Variants in WLS observed in about 807,000 individuals in gnomAD.
WLS encodes the protein protein wntless homolog.
Under a neutral mutation model 62.8 loss-of-function variants are expected in WLS, and 23 were observed. The ratio of observed to expected loss-of-function variants is 0.37; its 90% CI spans 0.26 to 0.52. The LOEUF (loss-of-function observed/expected upper bound fraction) is 0.52. Ranked by LOEUF, WLS falls within the 20% of genes least tolerant of loss-of-function variation. WLS has a pLI of 0.92. For missense variants in WLS, 615 were observed against 697.3 expected (o/e 0.88, Z 1.33); for synonymous variants, 246 against 244.1 (o/e 1.01, Z -0.07).
intron 3 of WLS, among the ~76,000 whole-genome samples, chr1:68,158,492 T>C (rs968014597): frequency 7.2e-5 from 11 of 152,044 alleles, no homozygotes; most frequent in African/African-American, 1.2e-4. Context: ...TATCATCTAG[T>C]CCAGGGGTGT....
At chr1:68,152,585 G>A (rs1310388160) in intron 5 of WLS, among the ~76,000 whole-genome samples, 1 of 152,224 alleles carries the variant, frequency 6.6e-6, no homozygotes, top group African/African-American at 2.4e-5. Flanking sequence ...GGACTATGAA[G>A]GTTGTTGGTG....
intron 11 of WLS, among the ~76,000 whole-genome samples, chr1:68,130,184 G>C (rs1646498502): frequency 1.3e-5 from 2 of 152,168 alleles, no homozygotes; most frequent in South Asian, 4.1e-4. Context: ...ACAATTGTTT[G>C]TGTATCTGTG....
chr1:68,208,275 G>A lies in WLS; in HGVS notation c.107-14048C>T, dbSNP rs76068562. Reference sequence around the variant, plus strand: ...GGCAGAGCAAAAACTATTGACATGGGTATTTGCTACCCTTTCCCCTCCTCT... The same window carrying A: ...GGCAGAGCAAAAACTATTGACATGGATATTTGCTACCCTTTCCCCTCCTCT... On this transcript the variant is annotated intron_variant, in intron 1 of 11. Transcript: ENST00000262348. 6.5e-4 allele frequency among the ~76,000 whole-genome samples: 99 copies of A among 152,264 alleles called. 2 individuals are homozygous for A. In the East Asian group the frequency reaches 0.011, roughly 17 times the overall value.
chr1:68,110,974 AATTT>A (rs1426110661), intron 11 of WLS, among the ~76,000 whole-genome samples: 3 of 152,144 alleles, frequency 2.0e-5, no homozygotes, highest in African/African-American at 4.8e-5. Flanking sequence ...ATAATCTTGA[AATTT>A]ATTTAAAGAA....
chr1:68,103,995 C>G (rs9436798), intron 11 of WLS, among the ~76,000 whole-genome samples: 10,784 of 152,146 alleles, frequency 0.071, 494 homozygotes, highest in Non-Finnish European at 0.094. Context: ...TAAGACATGC[C>G]CTACCTCTGT....
At chr1:68,168,914 G>A (rs376469030) in intron 2 of WLS, among the ~76,000 whole-genome samples, 28 of 152,310 alleles carry the variant, frequency 1.8e-4, no homozygotes, top group African/African-American at 6.7e-4. Context: ...TACATGGTTA[G>A]GTCTGGCAAA....
intron 1 of WLS, among the ~76,000 whole-genome samples, chr1:68,215,697 T>C (rs1427653705): frequency 1.3e-5 from 2 of 152,204 alleles, no homozygotes; most frequent in Non-Finnish European, 2.9e-5. Context: ...CAACAATAGA[T>C]TGAGCAATTT....
chr1:68,182,543 T>A (rs1349832730), intron 2 of WLS, among the ~76,000 whole-genome samples: 1 of 152,212 alleles, frequency 6.6e-6, no homozygotes, highest in Non-Finnish European at 1.5e-5. Context: ...ACCAAGTCAG[T>A]AAGTAAAACT....
At chr1:68,225,660 G>A (rs536265338) in intron 1 of WLS, among the ~76,000 whole-genome samples, 56 of 152,218 alleles carry the variant, frequency 3.7e-4, no homozygotes, top group South Asian at 1.9e-3. Flanking sequence ...AAAGGCCCTC[G>A]TTATTATGCA....
At chr1:68,111,237 A>AAAT (rs1646225426) in intron 11 of WLS, among the ~76,000 whole-genome samples, 1 of 152,218 alleles carries the variant, frequency 6.6e-6, no homozygotes, top group African/African-American at 2.4e-5. Flanking sequence ...TGGGGACCAT[A>AAAT]GATGAACTAC....
At position 68,153,497 on chromosome 1, in the gene WLS, G is replaced by A. The variant is rs769332939; in HGVS notation, c.803+20C>T. Reference sequence around the variant, plus strand: ...TGAGAAGCCAGTATTCCTGAAGAGCGCTCCAAAACCAGCTCTTACTTTTCC... The same window carrying A: ...TGAGAAGCCAGTATTCCTGAAGAGCACTCCAAAACCAGCTCTTACTTTTCC... On this transcript the variant is annotated intron_variant, in intron 5 of 11. Coordinates refer to ENST00000262348, the MANE Select transcript of WLS (RefSeq NM_024911.7). 4.2e-5 allele frequency: 68 copies of A among 1,613,602 alleles called. No individual in the cohort carries two copies. The highest frequency in any genetic ancestry group is 1.8e-4 in the East Asian group (8 of 44,856).
chr1:68,107,395 GGATA>G (rs1378533113), intron 11 of WLS, among the ~76,000 whole-genome samples: 25 of 152,192 alleles, frequency 1.6e-4, no homozygotes, highest in South Asian at 1.2e-3. Flanking sequence ...GAAGGTAGGA[GGATA>G]GATAGAGTGA....
At position 68,145,938 on chromosome 1, in the gene WLS, C is replaced by T; in HGVS notation, c.1209G>A (p.Val403=). 6.2e-7 allele frequency: 1 copy of T among 1,614,170 alleles called. No individual in the cohort carries two copies. The highest frequency in any genetic ancestry group is 8.5e-7 in the Non-Finnish European group (1 of 1,180,032). Residue 403 remains valine, a synonymous_variant, in exon 9 of 12, where the codon GTG becomes GTA. Coordinates refer to ENST00000262348, the MANE Select transcript of WLS (RefSeq NM_024911.7). ...ACTGCTTCCCACTGATGTTCCGAAACACCTGAAATACCATGAAGCATAGAA... is the reference window on the plus strand; with the variant it reads ...ACTGCTTCCCACTGATGTTCCGAAATACCTGAAATACCATGAAGCATAGAA... ...FLFLCFMVFQ[V]FRNISGKQSS...
intron 11 of WLS, among the ~76,000 whole-genome samples, chr1:68,110,486 C>A (rs1646211165): frequency 6.6e-6 from 1 of 151,784 alleles, no homozygotes; most frequent in Admixed American, 6.6e-5. Flanking sequence ...AAATAAAAAA[C>A]CAAATGTCCA....
intron 2 of WLS, among the ~76,000 whole-genome samples, chr1:68,178,375 C>T (rs1647351445): frequency 2.0e-5 from 3 of 152,128 alleles, no homozygotes; most frequent in Admixed American, 1.3e-4. Flanking sequence ...AAGGATATAA[C>T]AATGAACAAC....
intron 1 of WLS, among the ~76,000 whole-genome samples, chr1:68,221,684 T>A (rs1309297708): frequency 2.6e-5 from 4 of 152,328 alleles, no homozygotes; most frequent in African/African-American, 9.6e-5. Context: ...GGAACGTAAC[T>A]TTTTTAGTGA....
At chr1:68,198,937 T>G (rs1436796030) in intron 1 of WLS, among the ~76,000 whole-genome samples, 1 of 152,218 alleles carries the variant, frequency 6.6e-6, no homozygotes, top group Non-Finnish European at 1.5e-5. Context: ...TTCCTGTTAT[T>G]TCACTTCAAA....
chr1:68,167,149 A>G (rs1015025402), intron 2 of WLS, among the ~76,000 whole-genome samples: 2 of 152,182 alleles, frequency 1.3e-5, no homozygotes, highest in African/African-American at 4.8e-5. Context: ...AAAAATGCTC[A>G]AGACAGAGCA....
At chr1:68,153,930 C>T (rs144664124) in intron 4 of WLS, among the ~76,000 whole-genome samples, 1 of 152,112 alleles carries the variant, frequency 6.6e-6, no homozygotes, top group Non-Finnish European at 1.5e-5. Context: ...GTTCTGGGGT[C>T]TGAAAGAAGA....
Sources: allele counts gnomAD v4.1 joint callset (sites outside exome capture counted in the v4.1 genomes callset), GRCh38; gene constraint gnomAD v4.1.1; transcripts MANE v1.5; gene names NCBI Gene and HGNC (gene_info 2026-07-23, HGNC 2026-07-21).